The following FMNL2 variants were observed in gnomAD, a reference collection of about 807,000 sequenced individuals.
FMNL2 encodes the protein formin like 2, also known as formin-like protein 2.
FMNL2 carries 51 observed loss-of-function variants against 130.2 expected under a neutral mutation model. That is an observed-to-expected ratio of 0.39 (90% confidence interval 0.31 to 0.49). The LOEUF (loss-of-function observed/expected upper bound fraction) is 0.49. Among genes scored for constraint, FMNL2 ranks in the 20% least tolerant of loss-of-function variants. The pLI, the probability that FMNL2 is intolerant of heterozygous loss-of-function variation, is 0.85. For synonymous variants in FMNL2, 465 were observed against 467.1 expected, an observed-to-expected ratio of 1.00 and a Z score of 0.06; for missense variants, 977 against 1,316.2, an observed-to-expected ratio of 0.74 and a Z score of 3.99.
intron 2 of FMNL2, among the ~76,000 whole-genome samples, chr2:152,534,528 A>G (rs1693879191): frequency 6.6e-6 from 1 of 151,398 alleles, no homozygotes; most frequent in Non-Finnish European, 1.5e-5. Context: ...TGAATTGCCT[A>G]ATGGTTTCTA....
At chr2:152,643,055 C>G (rs540709428) in intron 25 of FMNL2, among the ~76,000 whole-genome samples, 2 of 152,060 alleles carry the variant, frequency 1.3e-5, no homozygotes, top group Admixed American at 6.6e-5. Context: ...ACGTGGAGTT[C>G]CTTTTTCATT....
intron 2 of FMNL2, among the ~76,000 whole-genome samples, chr2:152,525,004 G>A (rs564697486): frequency 1.3e-5 from 2 of 152,170 alleles, no homozygotes; most frequent in Admixed American, 6.5e-5. Flanking sequence ...GCGTCCCTTC[G>A]CCTTTCCTAT....
intron 9 of FMNL2, among the ~76,000 whole-genome samples, chr2:152,594,741 A>C (rs990546279): frequency 1.7e-4 from 26 of 152,192 alleles, no homozygotes; most frequent in African/African-American, 6.3e-4. Flanking sequence ...TGTTCTGCCC[A>C]CTGCAGCTCA....
chr2:152,365,488 A>G (rs990594824), intron 1 of FMNL2, among the ~76,000 whole-genome samples: 1 of 152,144 alleles, frequency 6.6e-6, no homozygotes, highest in Non-Finnish European at 1.5e-5. Flanking sequence ...GTCTCCTGCC[A>G]TGACCGGGCG....
Position 152,498,934 on chromosome 2 carries a change from T to C in FMNL2, c.118-23009T>C, listed in dbSNP as rs181640541. Among the ~76,000 whole-genome samples, 279 of 152,314 alleles carry C rather than the reference T, an allele frequency of 1.8e-3. 4 individuals carry two copies. Among genetic ancestry groups the C allele is most frequent in the Non-Finnish European group, 1.6e-3 (109 of 68,032 alleles). ...CCCTTCAACTTAATTAGTGAAGGAA[T>C]TTGGCATCTTTGTAAACATAAAGGG... On this transcript the variant is annotated intron_variant, in intron 1 of 25. Transcript: ENST00000288670.
intron 1 of FMNL2, among the ~76,000 whole-genome samples, chr2:152,416,757 G>A (rs79066320): frequency 0.024 from 3,682 of 152,232 alleles, 141 homozygotes; most frequent in African/African-American, 0.085. Flanking sequence ...ATACACTATT[G>A]GGATGTTTTA....
chr2:152,339,000 T>A (rs184834820), intron 1 of FMNL2, among the ~76,000 whole-genome samples: 1 of 152,356 alleles, frequency 6.6e-6, no homozygotes, highest in Admixed American at 6.5e-5. Flanking sequence ...GATGTATATA[T>A]TTCATAGGTA....
Position 152,645,418 on chromosome 2 carries a change from G to GT in FMNL2, c.3170-2371dup, listed in dbSNP as rs1333875269. On this transcript the variant is annotated intron_variant, in intron 25 of 25. Coordinates refer to ENST00000288670, the MANE Select transcript of FMNL2 (RefSeq NM_052905.4). Reference sequence around the variant, plus strand: ...TTCTTAACCATCATTTTGTGTTTTTGTTTTTTTCTGTTTAGCCTTAAAGAA... The same window carrying GT: ...TTCTTAACCATCATTTTGTGTTTTTGTTTTTTTTCTGTTTAGCCTTAAAGAA... The GT allele has an allele frequency of 7.9e-6, 10 of 1,268,844 alleles. No individual in the cohort carries two copies. In the South Asian group the frequency reaches 1.0e-4, roughly 13 times the overall value. 78.6% of individuals were successfully genotyped at this position (1,268,844 alleles called of 1,614,324 possible).
At chr2:152,450,945 G>C (rs1346348901) in intron 1 of FMNL2, among the ~76,000 whole-genome samples, 1 of 152,206 alleles carries the variant, frequency 6.6e-6, no homozygotes, top group Non-Finnish European at 1.5e-5. Flanking sequence ...AGGTCGCTGG[G>C]TCTCCAGGTC....
chr2:152,562,686 A>G (rs1478038768), intron 6 of FMNL2, among the ~76,000 whole-genome samples: 2 of 152,218 alleles, frequency 1.3e-5, no homozygotes, highest in Non-Finnish European at 2.9e-5. Flanking sequence ...GCAACCTGCT[A>G]ATCTGCATCA....
intron 15 of FMNL2, among the ~76,000 whole-genome samples, chr2:152,621,356 G>A (rs934556696): frequency 1.3e-5 from 2 of 152,176 alleles, no homozygotes; most frequent in Non-Finnish European, 2.9e-5. Context: ...TCCTTCCAAG[G>A]GGCCATGTCC....
chr2:152,437,543 C>T (rs1419890494), intron 1 of FMNL2, among the ~76,000 whole-genome samples: 11 of 152,150 alleles, frequency 7.2e-5, no homozygotes, highest in Admixed American at 2.0e-4. Context: ...TTCTGACCTG[C>T]GGCAGATTGC....
chr2:152,558,729 T>TC lies in FMNL2; in HGVS notation c.360-11_360-10insC, dbSNP rs767133643. 3.8e-5 allele frequency: 60 copies of TC among 1,596,294 alleles called. No homozygotes were observed. The highest frequency in any genetic ancestry group is 3.3e-4 in the South Asian group (30 of 89,588). On this transcript the variant is annotated splice_polypyrimidine_tract_variant and intron_variant, in intron 4 of 25. Coordinates refer to ENST00000288670, the MANE Select transcript of FMNL2 (RefSeq NM_052905.4). ...TTTCTCCAATGATTTTTTTTTTTTTTTCCCCAACAGATGGGTCAGAGAATT... is the reference window on the plus strand; with the variant it reads ...TTTCTCCAATGATTTTTTTTTTTTTTCTCCCCAACAGATGGGTCAGAGAATT...
intron 11 of FMNL2, among the ~76,000 whole-genome samples, chr2:152,614,539 T>C (rs1166202480): frequency 6.6e-6 from 1 of 151,798 alleles, no homozygotes; most frequent in East Asian, 1.9e-4. Flanking sequence ...GGTCAGGAGA[T>C]CGAGACCATC....
In FMNL2 at chr2:152,385,830, G is replaced by A. The variant is rs143574659; in HGVS notation, c.117+50110G>A. Among the ~76,000 whole-genome samples the A allele has an allele frequency of 7.6e-4, 116 of 152,260 alleles. 1 individual carries two copies. The highest frequency in any genetic ancestry group is 2.7e-3 in the African/African-American group (113 of 41,548). On this transcript the variant is annotated intron_variant, in intron 1 of 25. Transcript: ENST00000288670. ...TGTTTGCTCTGAAGGCTTAAATTGT[G>A]TTCTTATGCCATGGATTTTTTTTCA...
In FMNL2 at chr2:152,578,887, G is replaced by A. The variant is rs771316788; in HGVS notation, c.706-1G>A. The A allele has an allele frequency of 6.2e-7, 1 of 1,607,482 alleles. No homozygotes were observed. Among genetic ancestry groups the A allele is most frequent in the East Asian group, 2.2e-5 (1 of 44,732 alleles). Reference sequence around the variant, plus strand: ...TCTTTTTTTTTCCATGTTAATTTTAGTATGGTTTCAACATGGTCATGTCTC... The same window carrying A: ...TCTTTTTTTTTCCATGTTAATTTTAATATGGTTTCAACATGGTCATGTCTC... On this transcript the variant is annotated splice_acceptor_variant, in intron 7 of 25. Coordinates refer to ENST00000288670, the MANE Select transcript of FMNL2 (RefSeq NM_052905.4). LOFTEE classifies it high-confidence loss of function.
intron 1 of FMNL2, among the ~76,000 whole-genome samples, chr2:152,384,260 T>G (rs991449888): frequency 4.6e-5 from 7 of 152,168 alleles, no homozygotes; most frequent in Admixed American, 4.6e-4. Context: ...GACTCCAAAG[T>G]CCATTTTCTG....
Position 152,635,552 on chromosome 2 carries a change from ATTGAT to A in FMNL2, c.2681-872_2681-868del, listed in dbSNP as rs576299654. ...TTAAAATGATGTATAACATAACCACATTGATTTAAGAATGTATTCCAATATCAAAC... is the reference window on the plus strand; with the variant it reads ...TTAAAATGATGTATAACATAACCACATTAAGAATGTATTCCAATATCAAAC... On this transcript the variant is annotated intron_variant, in intron 21 of 25. Transcript: ENST00000288670. Among the ~76,000 whole-genome samples, 180 of 152,380 alleles carry A rather than the reference ATTGAT, an allele frequency of 1.2e-3. 1 individual carries two copies. The highest frequency in any genetic ancestry group is 4.1e-3 in the African/African-American group (170 of 41,596).
intron 17 of FMNL2, among the ~76,000 whole-genome samples, chr2:152,627,734 C>A (rs71417232): frequency 0.15 from 22,809 of 152,138 alleles, 1,857 homozygotes; most frequent in Middle Eastern, 0.26. Flanking sequence ...AAGCATATAT[C>A]CAAAAAGAAC....
Sources: allele counts gnomAD v4.1 joint callset (sites outside exome capture counted in the v4.1 genomes callset), GRCh38; gene constraint gnomAD v4.1.1; transcripts MANE v1.5; gene names NCBI Gene and HGNC (gene_info 2026-07-23, HGNC 2026-07-21).